Variants in GPHN observed in about 807,000 individuals in gnomAD.
GPHN encodes the protein gephyrin.
Under a neutral mutation model 95.5 loss-of-function variants are expected in GPHN, and 17 were observed. The observed-to-expected ratio is 0.18, with a 90% CI of 0.12 to 0.27. The LOEUF (loss-of-function observed/expected upper bound fraction) is 0.27. GPHN is among the 10% of genes least tolerant of loss of function. The probability of loss-of-function intolerance (pLI) is 1.00; values close to 1 mark genes in which losing one functional copy is unlikely to be tolerated. For missense variants in GPHN, 660 were observed against 978.1 expected (o/e 0.67, Z 4.34); for synonymous variants, 320 against 322.5 (o/e 0.99, Z 0.08).
intron 9 of GPHN, among the ~76,000 whole-genome samples, chr14:66,973,766 A>G (rs2069996402): frequency 6.6e-6 from 1 of 152,194 alleles, no homozygotes; most frequent in Non-Finnish European, 1.5e-5. Flanking sequence ...TCAAAAAACA[A>G]AAAAAGAAAA....
At chr14:67,647,022 G>C in the GPHN span, 1 of 1,602,748 alleles carries the variant, frequency 6.2e-7, no homozygotes, top group Non-Finnish European at 8.5e-7. Context: ...CTGCTGATTG[G>C]CAAGTAAGTA....
chr14:66,719,495 T>C (rs1050414789), intron 2 of GPHN, among the ~76,000 whole-genome samples: 1 of 152,164 alleles, frequency 6.6e-6, no homozygotes, highest in Non-Finnish European at 1.5e-5. Flanking sequence ...AGGTGTCTCC[T>C]GGGTCCTGCA....
At chr14:67,445,960 T>C in the GPHN span, 1 of 466,342 alleles carries the variant, frequency 2.1e-6, no homozygotes, top group Non-Finnish European at 4.3e-6. Flanking sequence ...CCTTTGTCTT[T>C]GGAGTCTAGC....
rs550399090 is a variant in GPHN, at chr14:66,510,602, C to T, written c.64+2011C>T. Among the ~76,000 whole-genome samples the T allele has an allele frequency of 2.0e-5, 3 of 152,166 alleles. No individual in the cohort carries two copies. In the East Asian group the frequency reaches 5.8e-4, roughly 29 times the overall value. ...TTACCTATGAGTTTGGGGTTAACTGCAAAAGAAATTCCGTATTCAGATGGA... is the reference window on the plus strand; with the variant it reads ...TTACCTATGAGTTTGGGGTTAACTGTAAAAGAAATTCCGTATTCAGATGGA... On this transcript the variant is annotated intron_variant, in intron 1 of 22. Transcript: ENST00000478722.
At chr14:66,939,528 G>C (rs1370254334) in intron 8 of GPHN, among the ~76,000 whole-genome samples, 2 of 152,032 alleles carry the variant, frequency 1.3e-5, no homozygotes, top group Non-Finnish European at 2.9e-5. Flanking sequence ...CAGGTTTCCT[G>C]CCTCACAGAT....
At chr14:67,130,377 T>C (rs2079625907) in intron 17 of GPHN, among the ~76,000 whole-genome samples, 1 of 152,190 alleles carries the variant, frequency 6.6e-6, no homozygotes, top group Admixed American at 6.5e-5. Context: ...GTATTTGGTT[T>C]TCTGTTCCTG....
At chr14:67,694,955 C>T in the GPHN span, among the ~76,000 whole-genome samples, 1 of 152,148 alleles carries the variant, frequency 6.6e-6, no homozygotes, top group South Asian at 2.1e-4. Context: ...CACTGGGGCA[C>T]TTGGCCAGCC....
chr14:67,730,186 A>T, the GPHN span, among the ~76,000 whole-genome samples: 2 of 152,200 alleles, frequency 1.3e-5, no homozygotes, highest in Non-Finnish European at 2.9e-5. Context: ...TTTCACATGA[A>T]ACTGAGGCGC....
chr14:66,760,195 A>C (rs1453757187), intron 2 of GPHN, among the ~76,000 whole-genome samples: 2 of 152,220 alleles, frequency 1.3e-5, no homozygotes, highest in African/African-American at 4.8e-5. Flanking sequence ...TCTATCTAGC[A>C]CATGAAATAA....
the GPHN span, chr14:67,292,806 A>G: frequency 5.8e-5 from 58 of 996,524 alleles, no homozygotes; most frequent in South Asian, 2.1e-4. Flanking sequence ...TAATGTGACT[A>G]TAAGATTTGT....
At chr14:66,715,191 C>T (rs543838033) in intron 2 of GPHN, among the ~76,000 whole-genome samples, 1 of 151,972 alleles carries the variant, frequency 6.6e-6, no homozygotes, top group African/African-American at 2.4e-5. Context: ...GTATTTTTTC[C>T]TGATTTAAGG....
chr14:66,796,023 C>T (rs1339389390), intron 3 of GPHN, among the ~76,000 whole-genome samples: 1 of 152,024 alleles, frequency 6.6e-6, no homozygotes, highest in Admixed American at 6.6e-5. Context: ...ATCTTTTTAC[C>T]CTCTAACTCC....
intron 2 of GPHN, among the ~76,000 whole-genome samples, chr14:66,738,050 C>T (rs150924526): frequency 6.6e-6 from 1 of 152,280 alleles, no homozygotes; most frequent in African/African-American, 2.4e-5. Context: ...ACTCCTAATC[C>T]TCCAGGGAAC....
chr14:66,611,572 G>A (rs978073343), intron 1 of GPHN, among the ~76,000 whole-genome samples: 9 of 152,120 alleles, frequency 5.9e-5, no homozygotes, highest in South Asian at 2.1e-4. Flanking sequence ...GGCACTTCTA[G>A]TTGTAAATCA....
intron 3 of GPHN, among the ~76,000 whole-genome samples, chr14:66,791,248 G>C (rs141597756): frequency 6.6e-6 from 1 of 152,148 alleles, no homozygotes; most frequent in East Asian, 1.9e-4. Context: ...ATTTCCTTTG[G>C]GTTGGGGGTT....
chr14:67,245,163 C>A, the GPHN span, among the ~76,000 whole-genome samples: 3 of 152,150 alleles, frequency 2.0e-5, no homozygotes, highest in African/African-American at 7.2e-5. Flanking sequence ...AAAATAATTT[C>A]TGTTGTTTTA....
chr14:67,035,554 G>A (rs1253998074), intron 10 of GPHN, among the ~76,000 whole-genome samples: 2 of 151,780 alleles, frequency 1.3e-5, no homozygotes, highest in Non-Finnish European at 3.0e-5. Context: ...CATTGCAACT[G>A]ATGCTTCGGA....
At chr14:67,696,009 C>A in the GPHN span, among the ~76,000 whole-genome samples, 84 of 152,292 alleles carry the variant, frequency 5.5e-4, no homozygotes, top group African/African-American at 1.9e-3. Flanking sequence ...CCTCTAGGCA[C>A]ACATGGTTTC....
intron 13 of GPHN, among the ~76,000 whole-genome samples, chr14:67,105,106 G>A (rs772720678): frequency 8.6e-5 from 13 of 151,924 alleles, no homozygotes; most frequent in African/African-American, 2.7e-4. Context: ...TTGGTTGCTC[G>A]GGAGCATATT....
Sources: gnomAD v4.1 joint callset for allele counts (sites outside exome capture counted in the v4.1 genomes callset) on GRCh38, gnomAD v4.1.1 for gene constraint, MANE v1.5 for transcripts, NCBI Gene and HGNC (gene_info 2026-07-23, HGNC 2026-07-21) for gene names.